GRIK2: variants seen among roughly 807,000 people sequenced by gnomAD.
GRIK2 encodes glutamate ionotropic receptor kainate type subunit 2.
Under a neutral mutation model 100.3 loss-of-function variants are expected in GRIK2, and 32 were observed. The ratio of observed to expected loss-of-function variants is 0.32; its 90% CI spans 0.24 to 0.43. The LOEUF (loss-of-function observed/expected upper bound fraction) is 0.43. Ranked by LOEUF, GRIK2 falls within the 20% of genes least tolerant of loss-of-function variation. The pLI is 1.00. For synonymous variants in GRIK2, 417 were observed against 389.4 expected (o/e 1.07, Z -0.83); for missense variants, 843 against 1,114.9 (o/e 0.76, Z 3.47).
At chr6:101,974,523 T>C (rs1268931228) in intron 14 of GRIK2, among the ~76,000 whole-genome samples, 1 of 152,066 alleles carries the variant, frequency 6.6e-6, no homozygotes, top group Non-Finnish European at 1.5e-5. Flanking sequence ...CACACAATTA[T>C]AGGGACTTCG....
intron 10 of GRIK2, among the ~76,000 whole-genome samples, chr6:101,842,037 T>C (rs1783537757): frequency 6.6e-6 from 1 of 152,194 alleles, no homozygotes; most frequent in East Asian, 1.9e-4. Context: ...AATGAATAAC[T>C]TGAAGTTTGT....
chr6:101,681,505 G>C (rs1200265130), intron 5 of GRIK2, among the ~76,000 whole-genome samples: 1 of 150,528 alleles, frequency 6.6e-6, no homozygotes, highest in Non-Finnish European at 1.5e-5. Flanking sequence ...GAAGTCCAGG[G>C]ATTACAGGTG....
At chr6:101,521,976 A>C (rs1393626334) in intron 2 of GRIK2, among the ~76,000 whole-genome samples, 2 of 152,096 alleles carry the variant, frequency 1.3e-5, no homozygotes, top group Non-Finnish European at 2.9e-5. Flanking sequence ...AGAAATTAGT[A>C]ATTATTTCAG....
chr6:101,836,643 G>GTGTATA (rs1201652352), intron 10 of GRIK2, among the ~76,000 whole-genome samples: 4 of 86,398 alleles, frequency 4.6e-5, no homozygotes, highest in East Asian at 2.6e-4. Flanking sequence ...ATATGTATGT[G>GTGTATA]TATATATATA....
At chr6:102,006,120 A>C (rs190317300) in intron 14 of GRIK2, among the ~76,000 whole-genome samples, 1 of 152,006 alleles carries the variant, frequency 6.6e-6, no homozygotes, top group Non-Finnish European at 1.5e-5. Context: ...AATGAATTTG[A>C]GGGGGATACA....
At chr6:102,026,052 C>T (rs1289511809) in intron 14 of GRIK2, among the ~76,000 whole-genome samples, 1 of 141,940 alleles carries the variant, frequency 7.0e-6, no homozygotes, top group Non-Finnish European at 1.5e-5. Context: ...AAACAAGTTT[C>T]CTTATCCTTA....
chr6:101,584,457 G>A (rs1267721676), intron 2 of GRIK2, among the ~76,000 whole-genome samples: 1 of 151,918 alleles, frequency 6.6e-6, no homozygotes, highest in Non-Finnish European at 1.5e-5. Flanking sequence ...AAAAAAGTCT[G>A]CTTTGTACAT....
chr6:101,929,957 C>T (rs1279117248), intron 14 of GRIK2, among the ~76,000 whole-genome samples: 11 of 152,014 alleles, frequency 7.2e-5, no homozygotes, highest in Admixed American at 2.6e-4. Context: ...ATATTAATTG[C>T]GATGGATCAG....
intron 9 of GRIK2, among the ~76,000 whole-genome samples, chr6:101,803,339 A>G (rs1780789611): frequency 6.6e-6 from 1 of 151,826 alleles, no homozygotes; most frequent in African/African-American, 2.4e-5. Context: ...GATTCAAACC[A>G]TCCAGGACAG....
At chr6:101,983,708 G>A (rs1793851915) in intron 14 of GRIK2, among the ~76,000 whole-genome samples, 1 of 151,592 alleles carries the variant, frequency 6.6e-6, no homozygotes, top group Non-Finnish European at 1.5e-5. Context: ...TTTCTCACCT[G>A]AAATATCTAC....
intron 11 of GRIK2, among the ~76,000 whole-genome samples, chr6:101,887,522 C>T (rs1786740005): frequency 6.6e-6 from 1 of 151,992 alleles, no homozygotes; most frequent in South Asian, 2.1e-4. Flanking sequence ...GTCTATATTT[C>T]TTAAAATACC....
chr6:101,418,146 G>T (rs1776238290), intron 2 of GRIK2, among the ~76,000 whole-genome samples: 1 of 152,210 alleles, frequency 6.6e-6, no homozygotes, highest in African/African-American at 2.4e-5. Context: ...GTGATGAATT[G>T]CAGCTGAATT....
chr6:101,650,124 G>C (rs946717937), intron 4 of GRIK2, among the ~76,000 whole-genome samples: 1 of 152,058 alleles, frequency 6.6e-6, no homozygotes, highest in African/African-American at 2.4e-5. Context: ...ATGAACTTAG[G>C]TACTTAAATT....
chr6:101,821,369 G>A (rs533885211), intron 10 of GRIK2, among the ~76,000 whole-genome samples: 9 of 152,048 alleles, frequency 5.9e-5, no homozygotes, highest in Admixed American at 2.6e-4. Flanking sequence ...TGCCTAAAAC[G>A]TACCCCATAC....
At chr6:101,497,723 TA>T in intron 2 of GRIK2, among the ~76,000 whole-genome samples, 1 of 152,262 alleles carries the variant, frequency 6.6e-6, no homozygotes, top group African/African-American at 2.4e-5. Flanking sequence ...AATTTAAAGT[TA>T]ACTTTTAAGT....
intron 10 of GRIK2, among the ~76,000 whole-genome samples, chr6:101,827,950 C>A: frequency 6.6e-6 from 1 of 151,916 alleles, no homozygotes; most frequent in African/African-American, 2.4e-5. Context: ...GCTACAGAAT[C>A]TTCCATCCAA....
chr6:101,659,247 C>T (rs1345768691), intron 4 of GRIK2, among the ~76,000 whole-genome samples: 1 of 152,166 alleles, frequency 6.6e-6, no homozygotes. Context: ...CCAGTTTTCC[C>T]AACACCATTT....
intron 7 of GRIK2, among the ~76,000 whole-genome samples, chr6:101,767,412 T>G (rs1778105660): frequency 6.6e-6 from 1 of 152,326 alleles, no homozygotes; most frequent in East Asian, 1.9e-4. Context: ...TTTCTTTATG[T>G]ATTTATGGAG....
intron 14 of GRIK2, among the ~76,000 whole-genome samples, chr6:102,019,808 C>A (rs1242051359): frequency 6.6e-6 from 1 of 151,896 alleles, no homozygotes. Flanking sequence ...TTATATATCC[C>A]TTTTTAAATT....
Sources: allele counts gnomAD v4.1 joint callset (sites outside exome capture counted in the v4.1 genomes callset), GRCh38; gene constraint gnomAD v4.1.1; transcripts MANE v1.5; gene names NCBI Gene and HGNC (gene_info 2026-07-23, HGNC 2026-07-21).